LPP: variants seen among roughly 807,000 people sequenced by gnomAD.
LPP encodes LIM domain containing preferred translocation partner in lipoma, also known as lipoma-preferred partner.
Under a neutral mutation model 60.4 loss-of-function variants are expected in LPP, and 38 were observed. That is an observed-to-expected ratio of 0.63 (90% CI 0.49 to 0.83). LPP has a LOEUF of 0.83. Ranked by LOEUF, LPP falls within the 40% of genes least tolerant of loss-of-function variation. LPP has a pLI of 0.00. For missense variants in LPP, 902 were observed against 783.6 expected, an observed-to-expected ratio of 1.15 and a Z score of -1.80; for synonymous variants, 328 against 290.8, an observed-to-expected ratio of 1.13 and a Z score of -1.30.
chr3:188,399,766 GATA>G (rs1431625496), intron 3 of LPP, among the ~76,000 whole-genome samples: 2 of 152,156 alleles, frequency 1.3e-5, no homozygotes, highest in Non-Finnish European at 2.9e-5. Context: ...CTGGATGTTG[GATA>G]ATATGATGTA....
chr3:188,623,579 A>C (rs554703250), intron 7 of LPP, among the ~76,000 whole-genome samples: 1 of 152,088 alleles, frequency 6.6e-6, no homozygotes, highest in Non-Finnish European at 1.5e-5. Context: ...AAACATCTTG[A>C]TTTTTTACTG....
intron 2 of LPP, among the ~76,000 whole-genome samples, chr3:188,248,494 A>ATATATATATATATATATATATATATATG (rs1371178264): frequency 2.1e-5 from 3 of 139,820 alleles, no homozygotes; most frequent in Admixed American, 1.4e-4. Context: ...ATATATATAT[A>ATATATATATATATATATATATATATATG]TATACAGTCA....
chr3:188,293,314 T>C (rs1022962326), intron 2 of LPP, among the ~76,000 whole-genome samples: 15 of 152,264 alleles, frequency 9.9e-5, no homozygotes, highest in African/African-American at 3.6e-4. Flanking sequence ...CCTGCCCGCC[T>C]GGGGCTCTGT....
chr3:188,541,540 C>T (rs1392397963), intron 6 of LPP, among the ~76,000 whole-genome samples: 2 of 149,830 alleles, frequency 1.3e-5, no homozygotes, highest in Non-Finnish European at 3.0e-5. Flanking sequence ...TTGACAGAAT[C>T]TGGAAGATGC....
intron 7 of LPP, among the ~76,000 whole-genome samples, chr3:188,693,479 G>C (rs2149493526): frequency 6.6e-6 from 1 of 152,242 alleles, no homozygotes; most frequent in African/African-American, 2.4e-5. Context: ...CATGTTATTT[G>C]AGAAATAGTT....
At chr3:188,822,690 G>A (rs1013573393) in intron 9 of LPP, among the ~76,000 whole-genome samples, 1 of 152,126 alleles carries the variant, frequency 6.6e-6, no homozygotes, top group Non-Finnish European at 1.5e-5. Flanking sequence ...CATGTGAACA[G>A]GGCAGAGCTT....
At chr3:188,729,599 G>A (rs1719681236) in intron 8 of LPP, among the ~76,000 whole-genome samples, 1 of 152,082 alleles carries the variant, frequency 6.6e-6, no homozygotes, top group Non-Finnish European at 1.5e-5. Context: ...GAAGTGCCTA[G>A]GTATGCAGAA....
At position 188,592,557 on chromosome 3, in the gene LPP, G is replaced by GTTGTTTGTTTTTTTTTTTTTT. The variant is rs1553936334; in HGVS notation, c.430-16602_430-16601insGTTTGTTTTTTTTTTTTTTTT. ...TATCACTGTTTTTAGTTTTGTTTTT[G>GTTGTTTGTTTTTTTTTTTTTT]TTTTTTAAATGGAGTCTCACTCTTT... On this transcript the variant is annotated intron_variant, in intron 6 of 11. Coordinates refer to ENST00000617246, the MANE Select transcript of LPP (RefSeq NM_001375462.1). Among the ~76,000 whole-genome samples, 588 of 85,444 alleles carry GTTGTTTGTTTTTTTTTTTTTT rather than the reference G, an allele frequency of 6.9e-3. 10 individuals carry two copies. The highest frequency in any genetic ancestry group is 0.023 in the East Asian group (47 of 2,058). 56.1% of individuals were successfully genotyped at this position (85,444 alleles called of 152,430 possible).
chr3:188,184,181 G>C lies in LPP; in HGVS notation c.-190+29929G>C, dbSNP rs150360673. Reference sequence around the variant, plus strand: ...TCATAGAGCAATAAAATGTACTTTGGGTAAAAATCTGTGGATAGGGCATTG... The same window carrying C: ...TCATAGAGCAATAAAATGTACTTTGCGTAAAAATCTGTGGATAGGGCATTG... On this transcript the variant is annotated intron_variant, in intron 1 of 11. Coordinates refer to ENST00000617246, the MANE Select transcript of LPP (RefSeq NM_001375462.1). 1.1e-4 allele frequency among the ~76,000 whole-genome samples: 16 copies of C among 152,234 alleles called. 1 individual carries two copies. Among genetic ancestry groups the C allele is most frequent in the African/African-American group, 3.1e-4 (13 of 41,554 alleles).
At chr3:188,282,225 C>T (rs1174232251) in intron 2 of LPP, among the ~76,000 whole-genome samples, 1 of 150,004 alleles carries the variant, frequency 6.7e-6, no homozygotes, top group Non-Finnish European at 1.5e-5. Context: ...CAGGCGTTTA[C>T]ATAATATTGT....
chr3:188,550,380 C>T (rs577805457), intron 6 of LPP, among the ~76,000 whole-genome samples: 30 of 151,984 alleles, frequency 2.0e-4, no homozygotes, highest in African/African-American at 7.0e-4. Context: ...AGATCGAGAC[C>T]ATCCTGGCTA....
intron 7 of LPP, among the ~76,000 whole-genome samples, chr3:188,636,030 T>C (rs1848665643): frequency 6.6e-6 from 1 of 152,196 alleles, no homozygotes; most frequent in Non-Finnish European, 1.5e-5. Flanking sequence ...CCCTGGATTA[T>C]GTTTAAGAAT....
At chr3:188,473,961 A>C (rs895721765) in intron 4 of LPP, among the ~76,000 whole-genome samples, 7 of 152,192 alleles carry the variant, frequency 4.6e-5, no homozygotes, top group African/African-American at 1.7e-4. Context: ...GAAAACAAAC[A>C]AACAAAAAAC....
intron 5 of LPP, among the ~76,000 whole-genome samples, chr3:188,500,727 T>C (rs1811576813): frequency 6.6e-6 from 1 of 152,194 alleles, no homozygotes; most frequent in South Asian, 2.1e-4. Context: ...TCAATCTTCT[T>C]AGTATTCATA....
At chr3:188,719,462 T>G (rs1379200512) in intron 8 of LPP, among the ~76,000 whole-genome samples, 6 of 152,220 alleles carry the variant, frequency 3.9e-5, no homozygotes, top group Non-Finnish European at 5.9e-5. Context: ...GTCATTCAGC[T>G]GCGTTAGGAT....
chr3:188,778,115 A>G (rs1013741084), intron 9 of LPP, among the ~76,000 whole-genome samples: 5 of 152,334 alleles, frequency 3.3e-5, no homozygotes, highest in Middle Eastern at 3.4e-3. Flanking sequence ...TTCAAGTGGA[A>G]TCAAATATTC....
At chr3:188,302,122 G>C (rs999298921) in intron 2 of LPP, among the ~76,000 whole-genome samples, 1 of 152,056 alleles carries the variant, frequency 6.6e-6, no homozygotes, top group Non-Finnish European at 1.5e-5. Context: ...ATCCTTTACT[G>C]AAAACCATTT....
At chr3:188,495,115 ATT>A (rs1809742219) in intron 5 of LPP, among the ~76,000 whole-genome samples, 2 of 108,718 alleles carry the variant, frequency 1.8e-5, no homozygotes, top group African/African-American at 6.4e-5. Context: ...ATTTTTATAT[ATT>A]TATATTTATA....
rs187138215 is a variant in LPP, at chr3:188,516,130, G to C, written c.307-8535G>C. Among the ~76,000 whole-genome samples the C allele has an allele frequency of 1.6e-3, 247 of 152,278 alleles. 3 individuals carry two copies. The highest frequency in any genetic ancestry group is 7.2e-3 in the South Asian group (35 of 4,830). On this transcript the variant is annotated intron_variant, in intron 5 of 11. Coordinates refer to ENST00000617246, the MANE Select transcript of LPP (RefSeq NM_001375462.1). ...TATCAAGTTAGTGGGTTATTTGTAA[G>C]TCCTCCTCCCCTGGAGAAGGGTACA...
Sources: gnomAD v4.1 joint callset for allele counts (sites outside exome capture counted in the v4.1 genomes callset) on GRCh38, gnomAD v4.1.1 for gene constraint, MANE v1.5 for transcripts, NCBI Gene and HGNC (gene_info 2026-07-23, HGNC 2026-07-21) for gene names.